The following TEX11 variants were observed in gnomAD, a reference collection of about 807,000 sequenced individuals.
TEX11 encodes the protein testis-expressed protein 11.
TEX11 carries 7 observed loss-of-function variants against 84.4 expected under a neutral mutation model. That is an observed-to-expected ratio of 0.08 (90% confidence interval 0.05 to 0.16). The LOEUF is 0.16. TEX11 is among the 10% of genes least tolerant of loss of function. The pLI, the probability that TEX11 is intolerant of heterozygous loss-of-function variation, is 1.00. For missense variants in TEX11, 551 were observed against 660.5 expected, an observed-to-expected ratio of 0.83 and a Z score of 1.82; for synonymous variants, 264 against 222.8, an observed-to-expected ratio of 1.18 and a Z score of -1.64.
intron 18 of TEX11, among the ~76,000 whole-genome samples, chrX:70,625,911 C>T (rs1450882312): frequency 9.1e-6 from 1 of 109,701 alleles, no homozygotes; most frequent in Non-Finnish European, 1.9e-5. Flanking sequence ...CTACGCCTGG[C>T]TAATTTTTGT....
intron 11 of TEX11, among the ~76,000 whole-genome samples, chrX:70,737,686 C>T (rs990310679): frequency 9.5e-6 from 1 of 105,095 alleles, no homozygotes; most frequent in South Asian, 4.3e-4. Context: ...TTAAAATACC[C>T]CCCCCCCAAA....
Position 70,711,535 on chromosome X carries a change from G to C in TEX11, c.1004+11083C>G, listed in dbSNP as rs2090433625. 2.7e-5 allele frequency among the ~76,000 whole-genome samples: 3 copies of C among 111,552 alleles called. No homozygotes were observed. In the South Asian group the frequency reaches 1.1e-3, roughly 42 times the overall value. ...GGTTTTGATTTGCATTTCTCTGATG[G>C]CCAGTGATGATGAGCATTTTTTCAC... is the stretch of plus-strand genomic sequence containing the variant. On this transcript the variant is annotated intron_variant, in intron 13 of 29. Transcript: ENST00000374333.
chrX:70,642,937 A>G (rs1378886436), intron 17 of TEX11, among the ~76,000 whole-genome samples: 4 of 41,969 alleles, frequency 9.5e-5, no homozygotes, highest in Non-Finnish European at 1.8e-4. Context: ...AGGCAGGAGA[A>G]GGAAATAAAG....
At chrX:70,791,533 C>A (rs2091118182) in intron 9 of TEX11, among the ~76,000 whole-genome samples, 2 of 111,831 alleles carry the variant, frequency 1.8e-5, no homozygotes, top group Admixed American at 9.5e-5. Flanking sequence ...CAAAATATGT[C>A]ACTCAGCAAC....
chrX:70,517,823 T>C, the TEX11 span, among the ~76,000 whole-genome samples: 1 of 111,546 alleles, frequency 9.0e-6, no homozygotes, highest in African/African-American at 3.3e-5. Flanking sequence ...TATTCAGAGA[T>C]TCAACTTCTT....
At chrX:70,739,413 C>CTTTTT (rs35219972) in intron 11 of TEX11, among the ~76,000 whole-genome samples, 1 of 75,153 alleles carries the variant, frequency 1.3e-5, no homozygotes, top group Non-Finnish European at 2.6e-5. Context: ...TATTTCATTT[C>CTTTTT]TTTTTTTTTT....
chrX:70,605,391 T>C lies in TEX11; in HGVS notation c.2067+10A>G. On this transcript the variant is annotated intron_variant, in intron 24 of 29. Transcript: ENST00000374333. ...GAACTCTTGTCTTTTCTTTGAAGGT[T>C]GCACATTACCTGTTCAAAAGCTGTT... The C allele has an allele frequency of 8.9e-7, 1 of 1,126,873 alleles. No homozygotes were observed. The highest frequency in any genetic ancestry group is 1.2e-6 in the Non-Finnish European group (1 of 821,705). The allele number at this position is 1,126,873 out of a possible 1,213,427, so 92.9% of individuals were successfully genotyped here.
intron 7 of TEX11, among the ~76,000 whole-genome samples, chrX:70,852,515 G>A (rs752340714): frequency 1.8e-5 from 2 of 112,004 alleles, no homozygotes; most frequent in South Asian, 3.7e-4. Flanking sequence ...CCAGAATTGC[G>A]TAATAACAGA....
At chrX:70,719,835 A>G (rs2090540828) in intron 13 of TEX11, among the ~76,000 whole-genome samples, 1 of 111,626 alleles carries the variant, frequency 9.0e-6, no homozygotes, top group Admixed American at 9.5e-5. Flanking sequence ...ATCTCACACC[A>G]GTTAGAATGG....
chrX:70,834,367 A>G (rs1330036578), intron 7 of TEX11, among the ~76,000 whole-genome samples: 1 of 111,234 alleles, frequency 9.0e-6, no homozygotes, highest in African/African-American at 3.3e-5. Flanking sequence ...GGTTCCTTTC[A>G]GTTCTACCAT....
chrX:70,845,623 T>C (rs1038207098), intron 7 of TEX11, among the ~76,000 whole-genome samples: 2 of 109,486 alleles, frequency 1.8e-5, no homozygotes, highest in African/African-American at 6.6e-5. Context: ...AGGTCAGGAG[T>C]TCGAGACCCG....
At chrX:70,520,368 G>A in the TEX11 span, among the ~76,000 whole-genome samples, 1 of 112,448 alleles carries the variant, frequency 8.9e-6, no homozygotes, top group Non-Finnish European at 1.9e-5. Context: ...CCTTCTACCA[G>A]TCAGGTCCCT....
intron 25 of TEX11, among the ~76,000 whole-genome samples, chrX:70,571,135 CA>C (rs1199252821): frequency 2.7e-5 from 3 of 111,147 alleles, no homozygotes; most frequent in Admixed American, 9.6e-5. Flanking sequence ...TCTCATGCCT[CA>C]GCCTCCCCAG....
At chrX:70,570,667 T>TA (rs1265064241) in intron 25 of TEX11, among the ~76,000 whole-genome samples, 1 of 111,797 alleles carries the variant, frequency 8.9e-6, no homozygotes, top group African/African-American at 3.3e-5. Flanking sequence ...TAGGACTATT[T>TA]AAAATAGTCT....
chrX:70,639,910 C>T (rs1235721807), intron 17 of TEX11, among the ~76,000 whole-genome samples: 1 of 112,059 alleles, frequency 8.9e-6, no homozygotes, highest in African/African-American at 3.2e-5. Flanking sequence ...CAGAACAAAG[C>T]TGGACGGAGA....
rs1298977936 is a variant in TEX11 at position 70,833,587 on chromosome X, C to T, written c.532G>A (p.Ala178Thr). The T allele has an allele frequency of 1.7e-6, 2 of 1,195,125 alleles. No homozygotes were observed. Among genetic ancestry groups the T allele is most frequent in the Non-Finnish European group, 2.3e-6 (2 of 885,215 alleles). ...GATGCTCTTTGAAAATCCCCTTGAG[C>T]AACTGCCTGAAAAAGATAAAGAATG... ...VLSYQAESAV[A>T]QGDFQRASMC... Residue 178 changes from alanine to threonine, a missense_variant, in exon 8 of 30, where the codon GCT becomes ACT. Physicochemically the swap from Ala to Thr is moderately conservative, Grantham distance 58. Transcript: ENST00000374333.
chrX:70,713,858 T>A (rs1185964078), intron 13 of TEX11, among the ~76,000 whole-genome samples: 1 of 111,767 alleles, frequency 8.9e-6, no homozygotes, highest in African/African-American at 3.3e-5. Context: ...TGCTCTTGCT[T>A]CTCTAGTTCT....
chrX:70,525,956 C>T (rs1367729090), downstream of TEX11, among the ~76,000 whole-genome samples: 11 of 111,194 alleles, frequency 9.9e-5, no homozygotes, highest in African/African-American at 1.6e-4. Flanking sequence ...CTCCTCGGCG[C>T]GGCGGGGGTC....
intron 20 of TEX11, among the ~76,000 whole-genome samples, chrX:70,612,137 CAAT>C (rs561513499): frequency 2.4e-4 from 26 of 107,862 alleles, no homozygotes; most frequent in African/African-American, 7.4e-4. Context: ...GACACCATCT[CAAT>C]AATAATAATA....
Sources: allele counts gnomAD v4.1 joint callset (sites outside exome capture counted in the v4.1 genomes callset), GRCh38; gene constraint gnomAD v4.1.1; transcripts MANE v1.5; gene names NCBI Gene and HGNC (gene_info 2026-07-23, HGNC 2026-07-21).